The following PAXIP1 variants were observed in gnomAD, a reference collection of about 807,000 sequenced individuals.
The protein encoded by PAXIP1 is PAX-interacting protein 1.
In PAXIP1, 19 loss-of-function variants were observed where a neutral mutation model predicts 140.6. The ratio of observed to expected loss-of-function variants is 0.14; its 90% CI spans 0.09 to 0.20. PAXIP1 has a LOEUF of 0.20. PAXIP1 is among the 10% of genes least tolerant of loss of function. The pLI is 1.00. For synonymous variants in PAXIP1, 442 were observed against 444.6 expected, an observed-to-expected ratio of 0.99 and a Z score of 0.07; for missense variants, 920 against 1,208.6, an observed-to-expected ratio of 0.76 and a Z score of 3.54.
intron 6 of PAXIP1, among the ~76,000 whole-genome samples, chr7:154,969,808 G>C (rs1487674967): frequency 6.6e-6 from 1 of 152,132 alleles, no homozygotes; most frequent in Admixed American, 6.5e-5. Flanking sequence ...GACACCACCG[G>C]GGCTGTTTAA....
chr7:154,982,596 C>G (rs1809893285), intron 5 of PAXIP1, among the ~76,000 whole-genome samples: 1 of 152,182 alleles, frequency 6.6e-6, no homozygotes, highest in Non-Finnish European at 1.5e-5. Flanking sequence ...ACTGATCCAC[C>G]CACATCGGCC....
intron 16 of PAXIP1, among the ~76,000 whole-genome samples, chr7:154,953,540 G>A (rs573146893): frequency 9.9e-5 from 15 of 152,220 alleles, no homozygotes; most frequent in Non-Finnish European, 1.6e-4. Context: ...ACACAGCTGG[G>A]GAAGCTGAGA....
chr7:154,974,434 C>A (rs1463053951), intron 6 of PAXIP1: 3 of 152,224 alleles, frequency 2.0e-5, no homozygotes, highest in Admixed American at 6.5e-5. Context: ...CTTCCTAGAA[C>A]TCATTCACCT....
chr7:154,966,241 C>T (rs545674950), intron 8 of PAXIP1, among the ~76,000 whole-genome samples: 54 of 152,304 alleles, frequency 3.5e-4, no homozygotes, highest in African/African-American at 1.2e-3. Flanking sequence ...TGCTCCATTG[C>T]TGGCCCCCGC....
At chr7:154,949,289 C>T (rs1808156051) in intron 16 of PAXIP1, 3 of 152,072 alleles carry the variant, frequency 2.0e-5, no homozygotes, top group Admixed American at 2.0e-4. Flanking sequence ...ATGTAAAAAC[C>T]ATTTTCAGCG....
Position 155,002,948 on chromosome 7 carries a change from G to C in PAXIP1, c.-19C>G. On this transcript the variant is annotated 5_prime_UTR_variant, in exon 1 of 21. Transcript: ENST00000404141. ...CCGACATGATCGCGGCGGCCCGGGA[G>C]GCTCCGCGGCGGCGCCCGGCCCCGC... 1 of 1,215,574 alleles carries C rather than the reference G, an allele frequency of 8.2e-7. No homozygotes were observed. The highest frequency in any genetic ancestry group is 1.1e-6 in the Non-Finnish European group (1 of 950,666). 75.3% of individuals were successfully genotyped at this position (1,215,574 alleles called of 1,614,324 possible).
chr7:154,972,294 C>A (rs570441995), intron 6 of PAXIP1, among the ~76,000 whole-genome samples: 2 of 152,180 alleles, frequency 1.3e-5, no homozygotes, highest in South Asian at 4.1e-4. Flanking sequence ...CGAGACCAGC[C>A]TGGCCAACAT....
chr7:154,981,164 G>A (rs1011980656), intron 5 of PAXIP1, among the ~76,000 whole-genome samples: 17 of 152,030 alleles, frequency 1.1e-4, no homozygotes, highest in African/African-American at 1.2e-4. Flanking sequence ...TGTACAGAAC[G>A]GGGTTAGAGA....
intron 4 of PAXIP1, among the ~76,000 whole-genome samples, chr7:154,989,172 C>T (rs916332128): frequency 6.6e-6 from 1 of 152,136 alleles, no homozygotes; most frequent in Non-Finnish European, 1.5e-5. Flanking sequence ...TTCCAGAATA[C>T]AAGAGACACC....
chr7:154,944,104 A>AGCCC lies in PAXIP1; in HGVS notation c.*41_*44dup. 2 of 1,606,950 alleles carry AGCCC rather than the reference A, an allele frequency of 1.2e-6. No homozygotes were observed. Among genetic ancestry groups the AGCCC allele is most frequent in the Non-Finnish European group, 1.7e-6 (2 of 1,174,748 alleles). ...GCAGCTCCTCGCCAGCCAGACAGCC[A>AGCCC]GCCCCGCACCGCAGGAGTCGACATG... On this transcript the variant is annotated 3_prime_UTR_variant, in exon 21 of 21. Transcript: ENST00000404141.
Position 154,957,249 on chromosome 7 carries a change from C to T in PAXIP1, c.2524G>A (p.Val842Ile), listed in dbSNP as rs1808554814. The change falls in exon 14 of 21, where the codon GTC becomes ATC. Residue 842 changes from valine to isoleucine, a missense_variant. Val to Ile is a conservative substitution (Grantham distance 29). Coordinates refer to ENST00000404141, the MANE Select transcript of PAXIP1 (RefSeq NM_007349.4). ...CTGGCTCTTTTGGAAGAAGGCTGGA[C>T]ATTAGCTACTTCATTCTGTTTCAGT... ...PKLKQNEVAN[V>I]QPSSKRARIE... 1 of 1,607,260 alleles carries T rather than the reference C, an allele frequency of 6.2e-7. No homozygotes were observed. Among genetic ancestry groups the T allele is most frequent in the Non-Finnish European group, 8.5e-7 (1 of 1,175,396 alleles).
Position 154,946,374 on chromosome 7 carries a change from T to G in PAXIP1, c.3185A>C (p.Asp1062Ala), listed in dbSNP as rs1807973774. The G allele has an allele frequency of 6.2e-7, 1 of 1,613,880 alleles. No individual in the cohort carries two copies. Among genetic ancestry groups the G allele is most frequent in the African/African-American group, 1.3e-5 (1 of 74,924 alleles). Reference sequence around the variant, plus strand: ...CTTTTGGAAAGGATATGATTCATAGTCCAGCGTTTGAGTGAGCACTCCAGT... The same window carrying G: ...CTTTTGGAAAGGATATGATTCATAGGCCAGCGTTTGAGTGAGCACTCCAGT... Reference protein sequence around the residue: ...VLTGVLTQTLDYESYKFN With the variant: ...VLTGVLTQTLAYESYKFN The change falls in exon 20 of 21, where the codon GAC (aspartate) becomes GCC (alanine). Residue 1062 changes from aspartate to alanine, a missense_variant. Coordinates refer to ENST00000404141, the MANE Select transcript of PAXIP1 (RefSeq NM_007349.4). The surrounding 1 kb of genome is among the most constrained non-coding windows in gnomAD (Gnocchi z 4.9).
chr7:155,000,543 T>A (rs889786163), intron 1 of PAXIP1: 1 of 152,360 alleles, frequency 6.6e-6, no homozygotes, highest in African/African-American at 2.4e-5. Context: ...GCACCTTCTC[T>A]ATTTCCTTCT....
At position 154,957,693 on chromosome 7, in the gene PAXIP1, C is replaced by T. The variant is rs185076023; in HGVS notation, c.2479-399G>A. Among the ~76,000 whole-genome samples, 543 of 152,194 alleles carry T rather than the reference C, an allele frequency of 3.6e-3. 1 individual carries two copies. Among genetic ancestry groups the T allele is most frequent in the Non-Finnish European group, 6.5e-3 (439 of 68,012 alleles). The stretch of plus-strand genomic sequence containing the variant: ...TTAGAATGTGGAAAACATGGCCGGG[C>T]GCGGTGGCTCACGCCTGTAATCCCA... On this transcript the variant is annotated intron_variant, in intron 13 of 20. Coordinates refer to ENST00000404141, the MANE Select transcript of PAXIP1 (RefSeq NM_007349.4).
At chr7:154,983,186 A>G in intron 5 of PAXIP1, 33 bp downstream of exon 5, 2 of 1,067,088 alleles carry the variant, frequency 1.9e-6, no homozygotes, top group Non-Finnish European at 2.8e-6. Flanking sequence ...CTTAAATGAC[A>G]TACAAAAAGA....
At chr7:154,951,772 G>A (rs1277383011) in intron 16 of PAXIP1, 1 of 152,182 alleles carries the variant, frequency 6.6e-6, no homozygotes, top group African/African-American at 2.4e-5. Context: ...CACTAAATTG[G>A]CTGCTTGGCA....
chr7:154,961,538 G>C lies in PAXIP1; in HGVS notation c.2238C>G (p.Leu746=). The change falls in exon 11 of 21, where the codon CTC becomes CTG. Residue 746 remains leucine (L), a synonymous_variant. Transcript: ENST00000404141. ...TGYLCRSNTV[L]ICKEPTGLKY... ...GAAAATTTGCTTACTCTTTACAGAT[G>C]AGGACTGTGTTGCTGCGGCATAGAT... 6.2e-7 allele frequency: 1 copy of C among 1,604,184 alleles called. No homozygotes were observed. The highest frequency in any genetic ancestry group is 8.5e-7 in the Non-Finnish European group (1 of 1,174,942).
At chr7:154,967,493 C>A (rs1809075752) in intron 8 of PAXIP1, 2 of 219,924 alleles carry the variant, frequency 9.1e-6, no homozygotes, top group Non-Finnish European at 1.8e-5. Flanking sequence ...GAGATGCATA[C>A]AAATTAATAG....
chr7:154,962,543 G>A, intron 9 of PAXIP1, 85 bp from the exon 10 acceptor site: 2 of 1,219,868 alleles, frequency 1.6e-6, no homozygotes, highest in Non-Finnish European at 2.3e-6. Flanking sequence ...TAACTACAAT[G>A]CCCTTTTCAT....
Sources: gnomAD v4.1 joint callset for allele counts (sites outside exome capture counted in the v4.1 genomes callset) on GRCh38, gnomAD v4.1.1 for gene constraint, Gnocchi (gnomAD v3.1) non-coding constraint, MANE v1.5 for transcripts, NCBI Gene and HGNC (gene_info 2026-07-23, HGNC 2026-07-21) for gene names.